QTMAN: variants seen among roughly 807,000 people sequenced by gnomAD.
The protein encoded by QTMAN is queuosine-tRNA mannosyltransferase, also known as tRNA-queuosine alpha-mannosyltransferase.
chr2:144,067,692 G>GT, the QTMAN span, among the ~76,000 whole-genome samples: 3 of 152,190 alleles, frequency 2.0e-5, no homozygotes, highest in Non-Finnish European at 4.4e-5. Context: ...AGTGGGGAGG[G>GT]TTTCAGCATC....
chr2:144,197,472 T>C, the QTMAN span, among the ~76,000 whole-genome samples: 2 of 152,162 alleles, frequency 1.3e-5, no homozygotes, highest in African/African-American at 4.8e-5. Flanking sequence ...CAAAACAAAC[T>C]TACTGAGCCA....
At chr2:144,330,349 C>T in the QTMAN span, among the ~76,000 whole-genome samples, 12 of 152,114 alleles carry the variant, frequency 7.9e-5, no homozygotes, top group African/African-American at 2.9e-4. Flanking sequence ...GTAGGCTATA[C>T]CATGTAGGTT....
chr2:144,199,099 G>A, the QTMAN span, among the ~76,000 whole-genome samples: 1 of 150,896 alleles, frequency 6.6e-6, no homozygotes, highest in Admixed American at 6.6e-5. Flanking sequence ...GCAGGCTAGA[G>A]TGCAATGACA....
chr2:144,324,107 C>A, the QTMAN span, among the ~76,000 whole-genome samples: 1 of 152,156 alleles, frequency 6.6e-6, no homozygotes, highest in Non-Finnish European at 1.5e-5. Context: ...AAGTATCCTG[C>A]CCAAGGTTAC....
chr2:143,972,362 A>G, the QTMAN span, among the ~76,000 whole-genome samples: 2 of 152,168 alleles, frequency 1.3e-5, no homozygotes, highest in African/African-American at 4.8e-5. Context: ...CTAGCCATTC[A>G]GTTCTCTAAA....
the QTMAN span, among the ~76,000 whole-genome samples, chr2:144,008,367 C>T: frequency 2.0e-5 from 3 of 151,544 alleles, no homozygotes; most frequent in African/African-American, 7.3e-5. Flanking sequence ...TGACTTGGGG[C>T]TCAATAAAGG....
At chr2:144,111,309 C>G in the QTMAN span, among the ~76,000 whole-genome samples, 3 of 152,198 alleles carry the variant, frequency 2.0e-5, no homozygotes, top group Non-Finnish European at 4.4e-5. Context: ...GTTTCTTCCC[C>G]TGTACCCTTA....
the QTMAN span, among the ~76,000 whole-genome samples, chr2:143,980,895 T>C: frequency 6.6e-6 from 1 of 152,208 alleles, no homozygotes; most frequent in Non-Finnish European, 1.5e-5. Flanking sequence ...AGCTGCCCTA[T>C]CCAACTTGAA....
At chr2:144,029,135 G>C in the QTMAN span, among the ~76,000 whole-genome samples, 1 of 152,196 alleles carries the variant, frequency 6.6e-6, no homozygotes, top group Non-Finnish European at 1.5e-5. Context: ...TTAAGGATTA[G>C]TTGAAACGTT....
the QTMAN span, among the ~76,000 whole-genome samples, chr2:144,245,425 T>C: frequency 6.6e-6 from 1 of 152,212 alleles, no homozygotes; most frequent in Admixed American, 6.5e-5. Flanking sequence ...AAGTTCATTG[T>C]TTTCAAACAA....
the QTMAN span, chr2:144,145,786 G>T: frequency 6.7e-7 from 1 of 1,495,644 alleles, no homozygotes. Flanking sequence ...TATGTTTGAA[G>T]GGATCATGCT....
At chr2:144,050,525 A>G in the QTMAN span, among the ~76,000 whole-genome samples, 3 of 152,316 alleles carry the variant, frequency 2.0e-5, no homozygotes, top group South Asian at 6.2e-4. Flanking sequence ...GATACAATGG[A>G]TTAAATGTTA....
chr2:144,152,811 AT>A, the QTMAN span, among the ~76,000 whole-genome samples: 1 of 152,226 alleles, frequency 6.6e-6, no homozygotes, highest in Non-Finnish European at 1.5e-5. Context: ...TGACAATATA[AT>A]TGGTGAAATA....
At chr2:144,174,634 G>A in the QTMAN span, among the ~76,000 whole-genome samples, 4 of 152,112 alleles carry the variant, frequency 2.6e-5, no homozygotes, top group Admixed American at 2.6e-4. Flanking sequence ...CCAGTGGGAG[G>A]TAACCAAATC....
chr2:144,041,458 C>T, the QTMAN span, among the ~76,000 whole-genome samples: 1 of 152,138 alleles, frequency 6.6e-6, no homozygotes, highest in Admixed American at 6.5e-5. Context: ...CTGTAATGTA[C>T]AATACACTCT....
At chr2:144,128,393 T>C in the QTMAN span, 1 of 151,974 alleles carries the variant, frequency 6.6e-6, no homozygotes, top group Non-Finnish European at 1.5e-5. Context: ...TCAAAATGAG[T>C]TACAGATCAG....
the QTMAN span, among the ~76,000 whole-genome samples, chr2:144,102,428 T>C: frequency 6.6e-6 from 1 of 152,226 alleles, no homozygotes; most frequent in Non-Finnish European, 1.5e-5. Flanking sequence ...TAAGTAACTT[T>C]ATGGGGTTGT....
chr2:144,313,993 T>TAA, the QTMAN span, among the ~76,000 whole-genome samples: 1 of 151,930 alleles, frequency 6.6e-6, no homozygotes, highest in East Asian at 1.9e-4. Context: ...GTTATATATA[T>TAA]AATTATAAAA....
chr2:144,012,411 G>T, the QTMAN span, among the ~76,000 whole-genome samples: 1 of 152,156 alleles, frequency 6.6e-6, no homozygotes, highest in Non-Finnish European at 1.5e-5. Flanking sequence ...CACTAAGATT[G>T]ATGGTAAGCA....
Sources: allele counts gnomAD v4.1 joint callset (sites outside exome capture counted in the v4.1 genomes callset), GRCh38; gene constraint gnomAD v4.1.1; transcripts MANE v1.5; gene names NCBI Gene and HGNC (gene_info 2026-07-23, HGNC 2026-07-21).